The following ZNF609 variants were observed in gnomAD, a reference collection of about 807,000 sequenced individuals.
ZNF609 encodes zinc finger protein 609.
In ZNF609, 11 loss-of-function variants were observed where a neutral mutation model predicts 109.5. The observed-to-expected ratio is 0.10, with a 90% confidence interval of 0.06 to 0.17. The LOEUF is 0.17. Ranked by LOEUF, ZNF609 falls within the 10% of genes least tolerant of loss-of-function variation. The pLI, the probability that ZNF609 is intolerant of heterozygous loss-of-function variation, is 1.00. For synonymous variants in ZNF609, 646 were observed against 662.0 expected, an observed-to-expected ratio of 0.98 and a Z score of 0.37; for missense variants, 1,559 against 1,772.4, an observed-to-expected ratio of 0.88 and a Z score of 2.16.
intron 2 of ZNF609, among the ~76,000 whole-genome samples, chr15:64,521,544 T>A (rs1018490583): frequency 6.6e-6 from 1 of 152,210 alleles, no homozygotes; most frequent in African/African-American, 2.4e-5. Context: ...TGGATACTGA[T>A]TGTTTTATAA....
chr15:64,604,826 C>T (rs140717316), intron 2 of ZNF609, among the ~76,000 whole-genome samples: 9,689 of 151,736 alleles, frequency 0.064, 320 homozygotes, highest in South Asian at 0.09. Flanking sequence ...GTTATTTATT[C>T]ATTTATTTAT....
At chr15:64,525,643 TGTCA>T (rs1180101333) in intron 2 of ZNF609, among the ~76,000 whole-genome samples, 5 of 152,196 alleles carry the variant, frequency 3.3e-5, no homozygotes, top group African/African-American at 4.8e-5. Context: ...GTATTGAATC[TGTCA>T]GTCAGTTTGG....
intron 3 of ZNF609, among the ~76,000 whole-genome samples, chr15:64,658,318 C>T (rs897459718): frequency 6.6e-6 from 1 of 152,144 alleles, no homozygotes; most frequent in African/African-American, 2.4e-5. Flanking sequence ...CTGTCTCAGC[C>T]TCCCGAGTAG....
intron 3 of ZNF609, chr15:64,631,394 C>A: frequency 1.4e-6 from 1 of 730,614 alleles, no homozygotes. Context: ...CTGGGGGACA[C>A]TGTAGACTCT....
chr15:64,662,465 A>G (rs79302728), intron 3 of ZNF609, among the ~76,000 whole-genome samples: 7,138 of 152,212 alleles, frequency 0.047, 300 homozygotes, highest in Admixed American at 0.14. Context: ...AGTTGGCACT[A>G]CAGGCACATG....
chr15:64,569,681 G>A (rs147454918), intron 2 of ZNF609, among the ~76,000 whole-genome samples: 414 of 152,338 alleles, frequency 2.7e-3, no homozygotes, highest in Non-Finnish European at 4.2e-3. Flanking sequence ...AGAATCAATA[G>A]TTTTATCATC....
chr15:64,515,479 C>A (rs1449656997), intron 2 of ZNF609, among the ~76,000 whole-genome samples: 2 of 152,072 alleles, frequency 1.3e-5, no homozygotes, highest in Non-Finnish European at 2.9e-5. Flanking sequence ...GGGCAAAGCT[C>A]CCAGAAATGG....
chr15:64,536,595 G>A (rs757672627), intron 2 of ZNF609, among the ~76,000 whole-genome samples: 1 of 152,002 alleles, frequency 6.6e-6, no homozygotes, highest in Non-Finnish European at 1.5e-5. Flanking sequence ...TACTAGAACT[G>A]GCCGGGCTCA....
At chr15:64,616,012 C>G (rs1318668964) in intron 2 of ZNF609, among the ~76,000 whole-genome samples, 1 of 152,136 alleles carries the variant, frequency 6.6e-6, no homozygotes, top group Non-Finnish European at 1.5e-5. Context: ...TCAAATATCT[C>G]TTCAATGAAT....
intron 2 of ZNF609, among the ~76,000 whole-genome samples, chr15:64,514,034 G>T (rs1893772461): frequency 6.6e-6 from 1 of 150,636 alleles, no homozygotes; most frequent in South Asian, 2.1e-4. Context: ...CGAGGCTGCA[G>T]TGAACCATGA....
At chr15:64,463,527 G>T (rs1204822718) in intron 1 of ZNF609, among the ~76,000 whole-genome samples, 1 of 152,160 alleles carries the variant, frequency 6.6e-6, no homozygotes, top group Non-Finnish European at 1.5e-5. Context: ...ATAATGTGCT[G>T]TGTACACAAT....
At chr15:64,677,733 A>G (rs1195068112) in intron 5 of ZNF609, among the ~76,000 whole-genome samples, 1 of 152,176 alleles carries the variant, frequency 6.6e-6, no homozygotes, top group East Asian at 1.9e-4. Context: ...AGTGTCACTT[A>G]TAAGCTTTCC....
chr15:64,497,488 C>T (rs1893497987), intron 1 of ZNF609, among the ~76,000 whole-genome samples: 1 of 152,116 alleles, frequency 6.6e-6, no homozygotes, highest in African/African-American at 2.4e-5. Context: ...TAAAAAAGTA[C>T]AATTTGTCTT....
chr15:64,608,423 G>A (rs989733885), intron 2 of ZNF609, among the ~76,000 whole-genome samples: 1 of 152,092 alleles, frequency 6.6e-6, no homozygotes, highest in African/African-American at 2.4e-5. Flanking sequence ...TAATATTGAT[G>A]CATTCACCTA....
intron 3 of ZNF609, among the ~76,000 whole-genome samples, chr15:64,633,846 G>A (rs926382930): frequency 2.0e-5 from 3 of 151,086 alleles, no homozygotes; most frequent in African/African-American, 4.9e-5. Flanking sequence ...GTGCCACTGC[G>A]CTCCAGCCTG....
chr15:64,546,619 C>T (rs1180420894), intron 2 of ZNF609, among the ~76,000 whole-genome samples: 2 of 151,748 alleles, frequency 1.3e-5, no homozygotes, highest in South Asian at 2.1e-4. Flanking sequence ...ACAACAGGTG[C>T]ATGCCACTAT....
chr15:64,654,432 C>T (rs1896461062), intron 3 of ZNF609: 1 of 152,028 alleles, frequency 6.6e-6, no homozygotes, highest in African/African-American at 2.4e-5. Flanking sequence ...GCCATTCAAC[C>T]AAACTTTACT....
chr15:64,514,627 C>T (rs1418843985), intron 2 of ZNF609, among the ~76,000 whole-genome samples: 1 of 151,728 alleles, frequency 6.6e-6, no homozygotes, highest in Non-Finnish European at 1.5e-5. Flanking sequence ...CCTTTAGATT[C>T]TATCTAAACT....
At chr15:64,588,442 A>AAAAAAAAAAAAAAAAAAGG (rs71133451) in intron 2 of ZNF609, among the ~76,000 whole-genome samples, 1 of 75,272 alleles carries the variant, frequency 1.3e-5, no homozygotes, top group Non-Finnish European at 2.3e-5. Context: ...AAAAAAAAAA[A>AAAAAAAAAAAAAAAAAAGG]AAGAAGAGGA....
Sources: allele counts gnomAD v4.1 joint callset (sites outside exome capture counted in the v4.1 genomes callset), GRCh38; gene constraint gnomAD v4.1.1; transcripts MANE v1.5; gene names NCBI Gene and HGNC (gene_info 2026-07-23, HGNC 2026-07-21).